ADGRA2: variants seen among roughly 807,000 people sequenced by gnomAD.
The protein encoded by ADGRA2 is G-protein coupled receptor 124.
A neutral mutation model predicts 98.7 loss-of-function variants in ADGRA2; 61 were observed. That is an observed-to-expected ratio of 0.62 (90% CI 0.50 to 0.76). The LOEUF (loss-of-function observed/expected upper bound fraction) is 0.76. Ranked by LOEUF, ADGRA2 falls within the 30% of genes least tolerant of loss-of-function variation. The probability of loss-of-function intolerance (pLI) is 0.00; values close to 1 mark genes in which losing one functional copy is unlikely to be tolerated. For missense variants in ADGRA2, 1,712 were observed against 1,860.0 expected, an observed-to-expected ratio of 0.92 and a Z score of 1.46; for synonymous variants, 858 against 831.5, an observed-to-expected ratio of 1.03 and a Z score of -0.55.
intron 13 of ADGRA2, among the ~76,000 whole-genome samples, chr8:37,837,122 G>A (rs1655625308): frequency 6.6e-6 from 1 of 152,250 alleles, no homozygotes; most frequent in South Asian, 2.1e-4. Flanking sequence ...AGGGCACAGG[G>A]ATGAGGGACC....
chr8:37,841,525 C>A lies in ADGRA2; in HGVS notation c.3187C>A (p.Leu1063Ile), dbSNP rs1048315197. The A allele has an allele frequency of 3.7e-6, 6 of 1,612,684 alleles. No individual in the cohort carries two copies. The highest frequency in any genetic ancestry group is 5.1e-6 in the Non-Finnish European group (6 of 1,179,804). The change falls in exon 19 of 19, where the codon CTC becomes ATC. Residue 1063 changes from leucine (L) to isoleucine (I), a missense_variant. Coordinates refer to ENST00000412232, the MANE Select transcript of ADGRA2 (RefSeq NM_032777.10). The surrounding 1 kb of genome is among the most constrained non-coding windows in gnomAD (Gnocchi z 5.0). The part of the protein sequence containing the change: ...LYGVAASALG[L>I]FVFTHHCARR... Reference sequence around the variant, plus strand: ...CGGGGTGGCAGCCTCCGCCCTGGGCCTCTTCGTCTTCACTCACCACTGTGC... The same window carrying A: ...CGGGGTGGCAGCCTCCGCCCTGGGCATCTTCGTCTTCACTCACCACTGTGC...
At position 37,835,307 on chromosome 8, in the gene ADGRA2, C is replaced by T. The variant is rs148475803; in HGVS notation, c.1742C>T (p.Pro581Leu). 6.2e-6 allele frequency: 10 copies of T among 1,613,600 alleles called. No individual in the cohort carries two copies. The highest frequency in any genetic ancestry group is 3.3e-5 in the Admixed American group (2 of 59,992). The change falls in exon 12 of 19, where the codon CCA becomes CTA. Residue 581 changes from proline (P) to leucine (L), a missense_variant. Pro to Leu is a moderately conservative substitution (Grantham distance 98). Coordinates refer to ENST00000412232, the MANE Select transcript of ADGRA2 (RefSeq NM_032777.10). ...CCAGGAAGCCCTGGCCAGAACCCCCCACCTGAGCCCGAGCCCCCAGCTGAC... is the reference window on the plus strand; with the variant it reads ...CCAGGAAGCCCTGGCCAGAACCCCCTACCTGAGCCCGAGCCCCCAGCTGAC... The part of the protein sequence containing the change: ...TRPGSPGQNP[P>L]PEPEPPADQQ...
In ADGRA2 at chr8:37,814,050, C is replaced by T. The variant is rs190890344; in HGVS notation, c.267-846C>T. On this transcript the variant is annotated intron_variant, in intron 1 of 18. Transcript: ENST00000412232. This position sits in a 1 kb window ranked among gnomAD's most constrained non-coding sequence, Gnocchi z 4.3. The stretch of plus-strand genomic sequence containing the variant: ...AGCCCAGGGCAGGCAAGAGTTTGGG[C>T]GGAGAGGCTCATTAAAGCTTTCTAA... 1.1e-4 allele frequency among the ~76,000 whole-genome samples: 16 copies of T among 152,306 alleles called. No individual in the cohort carries two copies. The highest frequency in any genetic ancestry group is 3.3e-4 in the Admixed American group (5 of 15,288).
At position 37,839,584 on chromosome 8, in the gene ADGRA2, G is replaced by A; in HGVS notation, c.2473G>A (p.Gly825Ser). ...CATGACCTCTGCTGTCTTTGCGGGG[G>A]GCATCACACTCACCAACTACCAGAT... The part of the protein sequence containing the change: ...IAMTSAVFAG[G>S]ITLTNYQMVC... The change falls in exon 16 of 19, where the codon GGC becomes AGC. Residue 825 changes from glycine to serine, a missense_variant. By Grantham distance (56) the Gly-to-Ser change is moderately conservative (BLOSUM62 0). Transcript: ENST00000412232. The A allele has an allele frequency of 6.2e-7, 1 of 1,614,082 alleles. No homozygotes were observed.
rs1356885209 is a variant in ADGRA2 at position 37,841,102 on chromosome 8, C to T, written c.2764C>T (p.Arg922Cys). 7 of 1,593,380 alleles carry T rather than the reference C, an allele frequency of 4.4e-6. No homozygotes were observed. Among genetic ancestry groups the T allele is most frequent in the African/African-American group, 1.3e-5 (1 of 74,544 alleles). The change falls in exon 19 of 19, where the codon CGT becomes TGT. Residue 922 changes from arginine (R) to cysteine (C), a missense_variant. Arg to Cys is a radical substitution (Grantham distance 180). Transcript: ENST00000412232. This position sits in a 1 kb window ranked among gnomAD's most constrained non-coding sequence, Gnocchi z 5.0. ...CTCCTACAGCTGCTGGCTGGTGTGGCGTCCAAGCCTTGGCGCCTTCTACAT... is the reference window on the plus strand; with the variant it reads ...CTCCTACAGCTGCTGGCTGGTGTGGTGTCCAAGCCTTGGCGCCTTCTACAT... Reference protein sequence around the residue: ...DHSPYCWLVWRPSLGAFYIPV... With the variant: ...DHSPYCWLVWCPSLGAFYIPV...
intron 16 of ADGRA2, 87 bp from the exon 17 acceptor site, chr8:37,840,034 G>A: frequency 7.9e-7 from 1 of 1,270,722 alleles, no homozygotes; most frequent in Non-Finnish European, 1.1e-6. Context: ...GAGGCTGGAA[G>A]CCTGGGAGGA....
Position 37,828,870 on chromosome 8 carries a change from C to T in ADGRA2, c.339-18C>T. ...CCAGCGGGGAGAGGTGTGAGGGCCT[C>T]TGCACTTGCCTCTGCAGGGACCTGA... On this transcript the variant is annotated intron_variant, in intron 2 of 18. Coordinates refer to ENST00000412232, the MANE Select transcript of ADGRA2 (RefSeq NM_032777.10). 6.3e-7 allele frequency: 1 copy of T among 1,593,122 alleles called. No homozygotes were observed. Among genetic ancestry groups the T allele is most frequent in the Non-Finnish European group, 8.5e-7 (1 of 1,170,828 alleles).
At chr8:37,840,497 T>C (rs754475839) in intron 17 of ADGRA2, among the ~76,000 whole-genome samples, 1 of 152,164 alleles carries the variant, frequency 6.6e-6, no homozygotes, top group Non-Finnish European at 1.5e-5. Flanking sequence ...CCAAATGCCA[T>C]GGCAAGGATC....
In ADGRA2 at chr8:37,842,607, C is replaced by G. The variant is rs1326677647; in HGVS notation, c.*252C>G. ...CTGACTGTCGGTGCCCTCCCAGGAA[C>G]GGGGAAGGCCTCCGTCTGTGTGAAA... On this transcript the variant is annotated 3_prime_UTR_variant, in exon 19 of 19. Transcript: ENST00000412232. 4.0e-6 allele frequency: 2 copies of G among 499,590 alleles called. No homozygotes were observed. Among genetic ancestry groups the G allele is most frequent in the East Asian group, 3.8e-5 (1 of 26,318 alleles). 30.9% of individuals were successfully genotyped at this position (499,590 alleles called of 1,614,324 possible).
chr8:37,797,102 C>T lies in ADGRA2; in HGVS notation c.-167C>T, dbSNP rs562437691. 31 of 327,124 alleles carry T rather than the reference C, an allele frequency of 9.5e-5. No individual in the cohort carries two copies. The highest frequency in any genetic ancestry group is 5.4e-5 in the Non-Finnish European group (11 of 202,926). The allele number at this position is 327,124 out of a possible 1,614,324, so 20.3% of individuals were successfully genotyped here. A position where few individuals can be genotyped will look rare whatever the true frequency, so the allele number is the denominator to read the frequency against. On this transcript the variant is annotated 5_prime_UTR_variant, in exon 1 of 19. Transcript: ENST00000412232. This position sits in a 1 kb window ranked among gnomAD's most constrained non-coding sequence, Gnocchi z 5.3. Reference sequence around the variant, plus strand: ...GCCGGGGCGCTCGCAGGACATGCCCCCGGGGCGCGGCGGCGGGGACCCCGG... The same window carrying T: ...GCCGGGGCGCTCGCAGGACATGCCCTCGGGGCGCGGCGGCGGGGACCCCGG...
rs567572116 is a variant in ADGRA2, at chr8:37,828,923, C to G, written c.374C>G (p.Pro125Arg). Residue 125 changes from proline (P) to arginine (R), a missense_variant, in exon 3 of 19, where the codon CCG becomes CGG. Coordinates refer to ENST00000412232, the MANE Select transcript of ADGRA2 (RefSeq NM_032777.10). Reference protein sequence around the residue: ...LRNNIISTVQPGAFLGLGELK... With the variant: ...LRNNIISTVQRGAFLGLGELK... Reference sequence around the variant, plus strand: ...AACAACATCATCAGCACAGTGCAGCCGGGCGCCTTCCTGGGCCTGGGGGAG... The same window carrying G: ...AACAACATCATCAGCACAGTGCAGCGGGGCGCCTTCCTGGGCCTGGGGGAG... The G allele has an allele frequency of 8.2e-6, 13 of 1,591,332 alleles. No homozygotes were observed. Among genetic ancestry groups the G allele is most frequent in the Non-Finnish European group, 1.0e-5 (12 of 1,170,252 alleles).
At chr8:37,808,889 A>C (rs1425342186) in intron 1 of ADGRA2, among the ~76,000 whole-genome samples, 1 of 151,828 alleles carries the variant, frequency 6.6e-6, no homozygotes, top group Non-Finnish European at 1.5e-5. Flanking sequence ...GGCATGATTT[A>C]TCTTGGCTTA....
At position 37,844,506 on chromosome 8, in the gene ADGRA2, A is replaced by T; in HGVS notation, c.*2151A>T. On this transcript the variant is annotated 3_prime_UTR_variant, in exon 19 of 19. Coordinates refer to ENST00000412232, the MANE Select transcript of ADGRA2 (RefSeq NM_032777.10). ...GGATATCCATCAGGGAGGGTTAGGGACACTCGTGGCAGCCTGTCTAGCAGC... is the reference window on the plus strand; with the variant it reads ...GGATATCCATCAGGGAGGGTTAGGGTCACTCGTGGCAGCCTGTCTAGCAGC... The T allele has an allele frequency of 6.2e-7, 1 of 1,613,088 alleles. No individual in the cohort carries two copies. The highest frequency in any genetic ancestry group is 1.1e-5 in the South Asian group (1 of 91,002).
Position 37,841,871 on chromosome 8 carries a change from A to G in ADGRA2, c.3533A>G (p.His1178Arg). Residue 1178 changes from histidine to arginine, a missense_variant, in exon 19 of 19, where the codon CAC becomes CGC. By Grantham distance (29) the His-to-Arg change is conservative. Coordinates refer to ENST00000412232, the MANE Select transcript of ADGRA2 (RefSeq NM_032777.10). This position sits in a 1 kb window ranked among gnomAD's most constrained non-coding sequence, Gnocchi z 5.0. ...LAHRHPNNVH[H>R]GRRAHKSRAK... Reference sequence around the variant, plus strand: ...CACCGCCACCCCAACAACGTGCACCACGGGCGTCGGGCGCACAAGAGCCGG... The same window carrying G: ...CACCGCCACCCCAACAACGTGCACCGCGGGCGTCGGGCGCACAAGAGCCGG... The G allele has an allele frequency of 2.0e-6, 3 of 1,534,658 alleles. No homozygotes were observed. The highest frequency in any genetic ancestry group is 2.4e-5 in the South Asian group (2 of 84,064).
rs781094296 is a variant in ADGRA2, at chr8:37,814,602, G to A, written c.267-294G>A. Reference sequence around the variant, plus strand: ...AGCCCTGTGGTTCCAGAGTGGAAACGGGGCATCACAGGGTCACCCCCACCT... The same window carrying A: ...AGCCCTGTGGTTCCAGAGTGGAAACAGGGCATCACAGGGTCACCCCCACCT... On this transcript the variant is annotated intron_variant, in intron 1 of 18. Coordinates refer to ENST00000412232, the MANE Select transcript of ADGRA2 (RefSeq NM_032777.10). This position sits in a 1 kb window ranked among gnomAD's most constrained non-coding sequence, Gnocchi z 4.3. 5.1e-4 allele frequency among the ~76,000 whole-genome samples: 77 copies of A among 152,190 alleles called. No individual in the cohort carries two copies. The highest frequency in any genetic ancestry group is 3.3e-3 in the Admixed American group (51 of 15,282).
intron 2 of ADGRA2, among the ~76,000 whole-genome samples, chr8:37,821,136 G>C (rs1324945061): frequency 6.6e-6 from 1 of 152,206 alleles, no homozygotes; most frequent in Non-Finnish European, 1.5e-5. Context: ...TTGGGGCAGA[G>C]AGAAGCTGAT....
In ADGRA2 at chr8:37,844,741, C is replaced by G. The variant is rs544967349; in HGVS notation, c.*2386C>G. ...AAACCTAAGGAATTATTTCCCACCT[C>G]CCCTTCTCCTTGCCCCTGTCCCCAC... On this transcript the variant is annotated 3_prime_UTR_variant, in exon 19 of 19. Coordinates refer to ENST00000412232, the MANE Select transcript of ADGRA2 (RefSeq NM_032777.10). 6.2e-7 allele frequency: 1 copy of G among 1,614,096 alleles called. No homozygotes were observed. Among genetic ancestry groups the G allele is most frequent in the South Asian group, 1.1e-5 (1 of 91,084 alleles).
chr8:37,832,205 A>T (rs1312110274), intron 8 of ADGRA2, among the ~76,000 whole-genome samples: 1 of 151,524 alleles, frequency 6.6e-6, no homozygotes, highest in Non-Finnish European at 1.5e-5. Context: ...GGCCTGTGCC[A>T]CCATGCCCAG....
rs1805547188 is a variant in ADGRA2 at position 37,834,303 on chromosome 8, C to A, written c.1608+175C>A. On this transcript the variant is annotated intron_variant, in intron 11 of 18. Coordinates refer to ENST00000412232, the MANE Select transcript of ADGRA2 (RefSeq NM_032777.10). This position sits in a 1 kb window ranked among gnomAD's most constrained non-coding sequence, Gnocchi z 4.2. ...AGTGCTAAGGAGAGGTGGCCGGTGA[C>A]CCTGGAGAAGTGATGCCAGACTCCG... 6.6e-6 allele frequency among the ~76,000 whole-genome samples: 1 copy of A among 152,188 alleles called. No homozygotes were observed. The highest frequency in any genetic ancestry group is 1.5e-5 in the Non-Finnish European group (1 of 68,036).
Sources: gnomAD v4.1 joint callset for allele counts (sites outside exome capture counted in the v4.1 genomes callset) on GRCh38, gnomAD v4.1.1 for gene constraint, Gnocchi (gnomAD v3.1) non-coding constraint, MANE v1.5 for transcripts, NCBI Gene and HGNC (gene_info 2026-07-23, HGNC 2026-07-21) for gene names.